AMPH: variants seen among roughly 807,000 people sequenced by gnomAD.
AMPH encodes amphiphysin.
Under a neutral mutation model 99.1 loss-of-function variants are expected in AMPH, and 49 were observed. That is an observed-to-expected ratio of 0.49 (90% confidence interval 0.39 to 0.63). The LOEUF (loss-of-function observed/expected upper bound fraction) is 0.63, where lower values mean the gene tolerates loss of function less well. Among genes scored for constraint, AMPH ranks in the 20% least tolerant of loss-of-function variants. The pLI, the probability that AMPH is intolerant of heterozygous loss-of-function variation, is 0.00. For missense variants in AMPH, 759 were observed against 863.4 expected (o/e 0.88, Z 1.52); for synonymous variants, 314 against 317.3 (o/e 0.99, Z 0.11).
At position 38,451,829 on chromosome 7, in the gene AMPH, G is replaced by A. The variant is rs138853461; in HGVS notation, c.1017+9454C>T. Among the ~76,000 whole-genome samples the A allele has an allele frequency of 3.3e-5, 5 of 152,248 alleles. No homozygotes were observed. In the East Asian group the frequency reaches 9.6e-4, roughly 29 times the overall value. ...AAAGAGGAAGGGAAAGAAAAAGAGA[G>A]AGAATGGATTTCTAAGTTCTTAGGA... On this transcript the variant is annotated intron_variant, in intron 11 of 20. Coordinates refer to ENST00000356264, the MANE Select transcript of AMPH (RefSeq NM_001635.4).
At chr7:38,570,987 T>TATATATATATTCATATATATAGA (rs1562834420) in intron 1 of AMPH, among the ~76,000 whole-genome samples, 1 of 15,856 alleles carries the variant, frequency 6.3e-5, no homozygotes, top group Non-Finnish European at 1.3e-4. Context: ...ATATATTCAA[T>TATATATATATTCATATATATAGA]ATATATATAT....
intron 1 of AMPH, among the ~76,000 whole-genome samples, chr7:38,613,932 C>G (rs1055967905): frequency 1.3e-5 from 2 of 152,154 alleles, no homozygotes; most frequent in African/African-American, 4.8e-5. Context: ...CTCCTCCATG[C>G]TCATATTCCT....
chr7:38,503,860 T>C (rs1432138551), intron 2 of AMPH, among the ~76,000 whole-genome samples, 156 bp from the exon 3 acceptor site: 4 of 152,208 alleles, frequency 2.6e-5, no homozygotes, highest in Non-Finnish European at 4.4e-5. Context: ...ATAATGTCCA[T>C]CAGTCTAGAT....
intron 1 of AMPH, among the ~76,000 whole-genome samples, chr7:38,553,485 TA>T (rs1376098068): frequency 6.6e-6 from 1 of 152,186 alleles, no homozygotes; most frequent in Non-Finnish European, 1.5e-5. Flanking sequence ...AGTCACGGAA[TA>T]AAAAACGATG....
intron 5 of AMPH, among the ~76,000 whole-genome samples, chr7:38,487,816 C>T (rs1349594453): frequency 6.7e-6 from 1 of 149,380 alleles, no homozygotes; most frequent in East Asian, 2.1e-4. Flanking sequence ...AGAACTTAAA[C>T]AAATTTACAA....
chr7:38,576,736 A>G (rs1792260619), intron 1 of AMPH, among the ~76,000 whole-genome samples: 1 of 152,092 alleles, frequency 6.6e-6, no homozygotes, highest in Non-Finnish European at 1.5e-5. Flanking sequence ...TGCCTGAGAG[A>G]TCTCACTTAA....
chr7:38,418,427 G>C (rs1183169620), intron 16 of AMPH, among the ~76,000 whole-genome samples: 2 of 152,068 alleles, frequency 1.3e-5, no homozygotes, highest in African/African-American at 4.8e-5. Context: ...AAATCGCAGG[G>C]CACACAGTTC....
chr7:38,390,961 C>CAGAGAGAGAGAG (rs199667568), intron 19 of AMPH, among the ~76,000 whole-genome samples: 24 of 129,282 alleles, frequency 1.9e-4, no homozygotes, highest in South Asian at 8.6e-4. Flanking sequence ...GAGACAAAGA[C>CAGAGAGAGAGAG]AGAGAGAGAG....
At chr7:38,396,949 T>C (rs538537356) in intron 17 of AMPH, among the ~76,000 whole-genome samples, 2 of 152,356 alleles carry the variant, frequency 1.3e-5, no homozygotes, top group East Asian at 3.9e-4. Context: ...AGCTCAAATG[T>C]AGAAAATAAG....
At chr7:38,537,605 C>T (rs1427507503) in intron 1 of AMPH, among the ~76,000 whole-genome samples, 1 of 152,144 alleles carries the variant, frequency 6.6e-6, no homozygotes, top group Non-Finnish European at 1.5e-5. Context: ...AACTTGCAAC[C>T]AAAATGCAAC....
intron 1 of AMPH, among the ~76,000 whole-genome samples, chr7:38,584,934 G>A (rs1026959624): frequency 2.6e-5 from 4 of 152,150 alleles, no homozygotes; most frequent in African/African-American, 9.7e-5. Flanking sequence ...CGTGCTTCAA[G>A]CTTTAAACAA....
chr7:38,572,132 C>T (rs1792067925), intron 1 of AMPH, among the ~76,000 whole-genome samples: 1 of 152,006 alleles, frequency 6.6e-6, no homozygotes, highest in African/African-American at 2.4e-5. Context: ...GTCAAACTCC[C>T]GACCTCAGGT....
At chr7:38,418,406 G>A (rs1230861172) in intron 16 of AMPH, among the ~76,000 whole-genome samples, 2 of 152,134 alleles carry the variant, frequency 1.3e-5, no homozygotes, top group Non-Finnish European at 2.9e-5. Flanking sequence ...CAGTGGGAAG[G>A]AGTAAGGAAG....
intron 17 of AMPH, among the ~76,000 whole-genome samples, chr7:38,396,967 A>G (rs1026696994): frequency 1.3e-5 from 2 of 152,240 alleles, no homozygotes; most frequent in African/African-American, 4.8e-5. Flanking sequence ...AAGTTGTGTC[A>G]TGATTACAAG....
In AMPH at chr7:38,551,810, C is replaced by T. The variant is rs535911564; in HGVS notation, c.70-16799G>A. 7.2e-5 allele frequency among the ~76,000 whole-genome samples: 11 copies of T among 152,268 alleles called. No homozygotes were observed. The South Asian group carries it at 2.3e-3, about 32-fold the overall frequency. ...GGTAGGCTGCCTATGAAATGTTAAG[C>T]AACAAACTGTTAGAAAATTGGAAAA... On this transcript the variant is annotated intron_variant, in intron 1 of 20. Transcript: ENST00000356264.
chr7:38,531,674 A>G (rs1790402527), intron 2 of AMPH, among the ~76,000 whole-genome samples: 1 of 152,220 alleles, frequency 6.6e-6, no homozygotes, highest in East Asian at 1.9e-4. Flanking sequence ...TAAATGTTTG[A>G]ATAATTCTAG....
chr7:38,584,708 T>C (rs1792583335), intron 1 of AMPH, among the ~76,000 whole-genome samples: 1 of 152,142 alleles, frequency 6.6e-6, no homozygotes. Flanking sequence ...GGAATCAACA[T>C]TCCCAGGCAT....
intron 1 of AMPH, among the ~76,000 whole-genome samples, chr7:38,585,760 T>C (rs1792623900): frequency 6.6e-6 from 1 of 152,224 alleles, no homozygotes; most frequent in Admixed American, 6.5e-5. Context: ...TTTTGAAACA[T>C]TTTTCACCAT....
chr7:38,595,749 A>G (rs1051155053), intron 1 of AMPH, among the ~76,000 whole-genome samples: 1 of 152,158 alleles, frequency 6.6e-6, no homozygotes, highest in African/African-American at 2.4e-5. Context: ...CCCAGCGTCT[A>G]CTGCTCCCAT....
Sources: allele counts gnomAD v4.1 joint callset (sites outside exome capture counted in the v4.1 genomes callset), GRCh38; gene constraint gnomAD v4.1.1; transcripts MANE v1.5; gene names NCBI Gene and HGNC (gene_info 2026-07-23, HGNC 2026-07-21).